Variants in DZANK1 observed in about 807,000 individuals in gnomAD.
DZANK1 encodes the protein double zinc ribbon and ankyrin repeat-containing protein 1.
A neutral mutation model predicts 94.5 loss-of-function variants in DZANK1; 91 were observed. The ratio of observed to expected loss-of-function variants is 0.96; its 90% CI spans 0.81 to 1.15. The LOEUF (loss-of-function observed/expected upper bound fraction) is 1.15, where lower values mean the gene tolerates loss of function less well. Ranked by LOEUF, DZANK1 falls within the 50% of genes most tolerant of loss-of-function variation. The pLI, the probability that DZANK1 is intolerant of heterozygous loss-of-function variation, is 0.00. For missense variants in DZANK1, 903 were observed against 916.4 expected (o/e 0.99, Z 0.19); for synonymous variants, 312 against 325.3 (o/e 0.96, Z 0.44).
chr20:18,415,470 T>TA, intron 10 of DZANK1, 21 bp from the exon 11 acceptor site: 1 of 1,484,674 alleles, frequency 6.7e-7, no homozygotes. Flanking sequence ...AAATGGCATT[T>TA]AAAGGCAGGA....
intron 17 of DZANK1, among the ~76,000 whole-genome samples, chr20:18,390,829 G>T (rs2055920623): frequency 6.6e-6 from 1 of 152,118 alleles, no homozygotes; most frequent in Non-Finnish European, 1.5e-5. Flanking sequence ...AGTGTTCAAG[G>T]TCAGCCAAAG....
chr20:18,409,376 G>A (rs994982834), intron 13 of DZANK1, among the ~76,000 whole-genome samples: 3 of 152,248 alleles, frequency 2.0e-5, no homozygotes, highest in African/African-American at 4.8e-5. Context: ...ACGGAGGCCA[G>A]AAGACAGTAG....
At chr20:18,397,454 G>C (rs1402747629) in intron 14 of DZANK1, among the ~76,000 whole-genome samples, 2 of 152,174 alleles carry the variant, frequency 1.3e-5, no homozygotes, top group African/African-American at 4.8e-5. Flanking sequence ...CGACAGATCT[G>C]CTTCAAATCT....
chr20:18,412,822 G>A lies in DZANK1; in HGVS notation c.1256C>T (p.Pro419Leu), dbSNP rs2057322569. ...AGTCCCAACATCAGATCTGGGCAAA[G>A]GAATATTCAGGGACTGCCAGGCACA... The change falls in exon 13 of 21, where the codon CCT (proline) becomes CTT (leucine). Residue 419 changes from proline to leucine, a missense_variant. Transcript: ENST00000262547. 6.2e-7 allele frequency: 1 copy of A among 1,613,968 alleles called. No individual in the cohort carries two copies. Among genetic ancestry groups the A allele is most frequent in the Admixed American group, 1.7e-5 (1 of 60,024 alleles).
At position 18,447,315 on chromosome 20, in the gene DZANK1, A is replaced by T. The variant is rs575967515; in HGVS notation, c.629+1669T>A. Among the ~76,000 whole-genome samples, 18 of 151,988 alleles carry T rather than the reference A, an allele frequency of 1.2e-4. No homozygotes were observed. The East Asian group carries it at 3.3e-3, about 28-fold the overall frequency. Reference sequence around the variant, plus strand: ...ACATGGTGAAACCTCATCTCTACTTAAAAAAATACAAAAATTAGCCGGGCA... The same window carrying T: ...ACATGGTGAAACCTCATCTCTACTTTAAAAAATACAAAAATTAGCCGGGCA... On this transcript the variant is annotated intron_variant, in intron 7 of 20. Transcript: ENST00000262547.
intron 6 of DZANK1, among the ~76,000 whole-genome samples, chr20:18,450,625 G>C (rs1014781470): frequency 2.6e-5 from 4 of 152,156 alleles, no homozygotes; most frequent in Non-Finnish European, 5.9e-5. Context: ...TCAGTCCCTG[G>C]GTGATTCTGA....
intron 13 of DZANK1, among the ~76,000 whole-genome samples, chr20:18,412,347 A>T (rs183748573): frequency 1.3e-5 from 2 of 152,330 alleles, no homozygotes; most frequent in East Asian, 3.9e-4. Flanking sequence ...GGCAGATAGC[A>T]ATAGCACTGT....
chr20:18,435,750 T>G (rs907471596), intron 8 of DZANK1, among the ~76,000 whole-genome samples: 1 of 151,406 alleles, frequency 6.6e-6, no homozygotes, highest in African/African-American at 2.4e-5. Context: ...ATCCCAGAAC[T>G]TAAAAGTATA....
chr20:18,416,294 G>C (rs572650084), intron 10 of DZANK1, among the ~76,000 whole-genome samples: 1 of 152,114 alleles, frequency 6.6e-6, no homozygotes, highest in Non-Finnish European at 1.5e-5. Context: ...AGTTTCAGAC[G>C]ATTACCCACA....
At chr20:18,386,241 G>A (rs1025619270) in intron 19 of DZANK1, among the ~76,000 whole-genome samples, 1 of 152,152 alleles carries the variant, frequency 6.6e-6, no homozygotes, top group Non-Finnish European at 1.5e-5. Context: ...GGGACCCAGG[G>A]GTCCTAGCCT....
chr20:18,431,230 G>GAA (rs893848678), intron 9 of DZANK1, among the ~76,000 whole-genome samples: 2 of 139,510 alleles, frequency 1.4e-5, no homozygotes, highest in Non-Finnish European at 1.6e-5. Context: ...AATCCCGGCA[G>GAA]AAAAAAAAAA....
At position 18,398,315 on chromosome 20, in the gene DZANK1, G is replaced by A. The variant is rs1281147056; in HGVS notation, c.1536+208C>T. ...TCAGAATTTTATTGTCTTAGGTCAG[G>A]TGCCCCAGAAGCAGACTCTGAGACA... On this transcript the variant is annotated intron_variant, in intron 14 of 20. Coordinates refer to ENST00000262547, the Ensembl canonical transcript of DZANK1. 23 of 548,734 alleles carry A rather than the reference G, an allele frequency of 4.2e-5. No homozygotes were observed. The East Asian group carries it at 5.6e-4, about 13-fold the overall frequency. 34.0% of individuals were successfully genotyped at this position (548,734 alleles called of 1,614,324 possible).
At chr20:18,457,633 G>A (rs920730396) in intron 3 of DZANK1, among the ~76,000 whole-genome samples, 4 of 152,128 alleles carry the variant, frequency 2.6e-5, no homozygotes, top group Middle Eastern at 3.2e-3. Flanking sequence ...ATGACATTGC[G>A]TTTATCCTCA....
chr20:18,387,619 G>C (rs1009629406), intron 19 of DZANK1, among the ~76,000 whole-genome samples: 2 of 152,128 alleles, frequency 1.3e-5, no homozygotes, highest in African/African-American at 4.8e-5. Context: ...CATTTCTCTG[G>C]GCCTCTCACC....
chr20:18,456,556 C>T (rs1020369655), intron 3 of DZANK1, among the ~76,000 whole-genome samples: 28 of 152,354 alleles, frequency 1.8e-4, no homozygotes, highest in African/African-American at 6.0e-4. Flanking sequence ...AAAGAATTCC[C>T]TTGTGCCTGT....
rs745626155 is a variant in DZANK1, at chr20:18,414,469, G to GC, written c.1120dup (p.Ala374GlyfsTer24). The GC allele has an allele frequency of 1.2e-6, 2 of 1,613,188 alleles. No homozygotes were observed. The highest frequency in any genetic ancestry group is 4.5e-5 in the East Asian group (2 of 44,876). On this transcript the variant is annotated frameshift_variant, in exon 12 of 21. Coordinates refer to ENST00000262547, the Ensembl canonical transcript of DZANK1. LOFTEE classifies it high-confidence loss of function. ...GAATCGGGCAGACAGGTGATTGCTG[G>GC]CCCCACATTTAGGGCAAACAGAACA...
intron 17 of DZANK1, 30 bp from the exon 18 acceptor site, chr20:18,390,489 C>A: frequency 6.2e-7 from 1 of 1,603,180 alleles, no homozygotes; most frequent in Non-Finnish European, 8.5e-7. Flanking sequence ...GGTCATTTCC[C>A]CCACTTCAAA....
intron 14 of DZANK1, among the ~76,000 whole-genome samples, chr20:18,397,883 T>A (rs942556698): frequency 6.6e-6 from 1 of 151,842 alleles, no homozygotes; most frequent in African/African-American, 2.4e-5. Flanking sequence ...TGGAGGTGAG[T>A]GTGCCAAGCA....
rs2059424116 is a variant in DZANK1 at position 18,460,134 on chromosome 20, C to T, written c.263+19G>A. ...TTATTATATCATAAATTAAATTAATCACCATGCTCTTAACTTACTTAGAGA... is the reference window on the plus strand; with the variant it reads ...TTATTATATCATAAATTAAATTAATTACCATGCTCTTAACTTACTTAGAGA... On this transcript the variant is annotated intron_variant, in intron 3 of 20. Coordinates refer to ENST00000262547, the Ensembl canonical transcript of DZANK1. 1.4e-6 allele frequency: 2 copies of T among 1,415,224 alleles called. No individual in the cohort carries two copies. Among genetic ancestry groups the T allele is most frequent in the Middle Eastern group, 2.2e-4 (1 of 4,472 alleles). 87.7% of individuals were successfully genotyped at this position (1,415,224 alleles called of 1,614,324 possible).
Sources: allele counts gnomAD v4.1 joint callset (sites outside exome capture counted in the v4.1 genomes callset), GRCh38; gene constraint gnomAD v4.1.1; transcripts MANE v1.5; gene names NCBI Gene and HGNC (gene_info 2026-07-23, HGNC 2026-07-21).